Variants in PCDH15 observed in about 807,000 individuals in gnomAD.
PCDH15 encodes protocadherin-15.
Under a neutral mutation model 178.5 loss-of-function variants are expected in PCDH15, and 129 were observed. The ratio of observed to expected loss-of-function variants is 0.72; its 90% confidence interval spans 0.63 to 0.84. The LOEUF (loss-of-function observed/expected upper bound fraction) is 0.84, where lower values mean the gene tolerates loss of function less well. PCDH15 is among the 40% of genes least tolerant of loss of function. The pLI, the probability that PCDH15 is intolerant of heterozygous loss-of-function variation, is 0.00. For synonymous variants in PCDH15, 800 were observed against 732.0 expected (o/e 1.09, Z -1.50); for missense variants, 2,230 against 2,099.9 (o/e 1.06, Z -1.21).
At chr10:55,378,483 T>G (rs1419565181) in intron 2 of PCDH15, among the ~76,000 whole-genome samples, 2 of 152,146 alleles carry the variant, frequency 1.3e-5, no homozygotes, top group Non-Finnish European at 2.9e-5. Flanking sequence ...ACTACACATT[T>G]GAAGCATTAT....
chr10:55,118,283 G>C (rs1230875662), intron 2 of PCDH15, among the ~76,000 whole-genome samples: 1 of 152,144 alleles, frequency 6.6e-6, no homozygotes, highest in African/African-American at 2.4e-5. Context: ...GGTCCTCTAG[G>C]TAGACACTGT....
intron 11 of PCDH15, among the ~76,000 whole-genome samples, chr10:54,194,867 C>A (rs1001214807): frequency 5.3e-5 from 8 of 152,194 alleles, no homozygotes; most frequent in African/African-American, 1.7e-4. Flanking sequence ...AAAAGACAGG[C>A]ACTCAATGGG....
chr10:54,381,507 T>G lies in PCDH15; in HGVS notation c.158-2565A>C, dbSNP rs913123355. On this transcript the variant is annotated intron_variant, in intron 3 of 37. Coordinates refer to ENST00000644397, the MANE Select transcript of PCDH15 (RefSeq NM_001384140.1). ...AAACCTTTTGCTTAATGTGTTTCAT[T>G]TGATGTTTAAATGTATTCTCTTCTT... Among the ~76,000 whole-genome samples the G allele has an allele frequency of 2.0e-5, 3 of 152,154 alleles. No individual in the cohort carries two copies. The East Asian group carries it at 5.8e-4, about 29-fold the overall frequency.
intron 21 of PCDH15, among the ~76,000 whole-genome samples, chr10:53,994,027 A>C (rs2091690813): frequency 6.6e-6 from 1 of 152,238 alleles, no homozygotes; most frequent in Non-Finnish European, 1.5e-5. Context: ...TAAATCTGGC[A>C]ATTTTATTTA....
chr10:55,107,056 G>A (rs1022483730), intron 2 of PCDH15, among the ~76,000 whole-genome samples: 2 of 152,224 alleles, frequency 1.3e-5, no homozygotes, highest in Admixed American at 1.3e-4. Context: ...TGGATTTTAA[G>A]TCAGTTTGAT....
At chr10:55,018,727 T>C (rs574813870) in intron 2 of PCDH15, among the ~76,000 whole-genome samples, 1 of 152,258 alleles carries the variant, frequency 6.6e-6, no homozygotes, top group Non-Finnish European at 1.5e-5. Flanking sequence ...TCAAGTGCTT[T>C]ATAAAAATAA....
At chr10:54,341,190 T>A (rs996759754) in intron 6 of PCDH15, among the ~76,000 whole-genome samples, 2 of 152,104 alleles carry the variant, frequency 1.3e-5, no homozygotes, top group Admixed American at 6.5e-5. Flanking sequence ...CTAGTTGATA[T>A]GGTTTGGCTC....
At chr10:54,217,659 C>T (rs115337695) in intron 9 of PCDH15, among the ~76,000 whole-genome samples, 4,944 of 152,256 alleles carry the variant, frequency 0.032, 119 homozygotes, top group Middle Eastern at 0.072. Context: ...GCATACAACA[C>T]AGCTCTGAAT....
chr10:55,490,329 C>T (rs1840384213), intron 2 of PCDH15, among the ~76,000 whole-genome samples: 1 of 151,730 alleles, frequency 6.6e-6, no homozygotes, highest in Non-Finnish European at 1.5e-5. Flanking sequence ...CAGAGTTCCA[C>T]AAAGAGCTTC....
chr10:55,392,981 G>T (rs1588982329), intron 2 of PCDH15, among the ~76,000 whole-genome samples: 1 of 36,324 alleles, frequency 2.8e-5, no homozygotes, highest in East Asian at 2.8e-4. Flanking sequence ...TAAAGTGTAT[G>T]TGTGTGTGTG....
At chr10:54,104,964 C>T (rs1369677310) in intron 15 of PCDH15, among the ~76,000 whole-genome samples, 1 of 151,318 alleles carries the variant, frequency 6.6e-6, no homozygotes, top group Non-Finnish European at 1.5e-5. Context: ...TGTATAGAGT[C>T]ACTAAACTCT....
intron 2 of PCDH15, among the ~76,000 whole-genome samples, chr10:55,072,500 G>T (rs1265884863): frequency 6.6e-6 from 1 of 152,158 alleles, no homozygotes; most frequent in Non-Finnish European, 1.5e-5. Context: ...AAATCTAGAA[G>T]AAATGGATAA....
Position 54,132,933 on chromosome 10 carries a change from A to G in PCDH15, c.1859T>C (p.Met620Thr), listed in dbSNP as rs754028926. 3.1e-6 allele frequency: 5 copies of G among 1,614,106 alleles called. No individual in the cohort carries two copies. The highest frequency in any genetic ancestry group is 4.2e-6 in the Non-Finnish European group (5 of 1,180,000). Residue 620 changes from methionine (M) to threonine (T), a missense_variant, in exon 15 of 38, where the codon ATG becomes ACG. By Grantham distance (81) the Met-to-Thr change is moderately conservative. Coordinates refer to ENST00000644397, the MANE Select transcript of PCDH15 (RefSeq NM_001384140.1). Reference sequence around the variant, plus strand: ...GGCTTCACTAATTTCAAGGCTATACATCAGCTGTGGGAAGCGAGGAGGGCT... The same window carrying G: ...GGCTTCACTAATTTCAAGGCTATACGTCAGCTGTGGGAAGCGAGGAGGGCT... ...NQSPPRFPQL[M>T]YSLEISEAMR... is the part of the protein sequence containing the mutation.
At chr10:53,920,057 C>T (rs984044909) in intron 25 of PCDH15, among the ~76,000 whole-genome samples, 1 of 152,050 alleles carries the variant, frequency 6.6e-6, no homozygotes, top group African/African-American at 2.4e-5. Context: ...ATATCTCTTT[C>T]GCTCACCTCA....
intron 2 of PCDH15, among the ~76,000 whole-genome samples, chr10:55,147,748 G>C (rs1232300674): frequency 6.6e-6 from 1 of 150,824 alleles, no homozygotes; most frequent in Non-Finnish European, 1.5e-5. Context: ...TGCCATGCTG[G>C]TGTGCTGCAC....
intron 1 of PCDH15, among the ~76,000 whole-genome samples, chr10:54,795,566 C>A (rs1400336784): frequency 5.3e-5 from 8 of 151,846 alleles, no homozygotes; most frequent in Admixed American, 5.3e-4. Flanking sequence ...TGTATTCTTT[C>A]ATCAAATATT....
At chr10:54,917,118 A>T (rs1837356414) in intron 2 of PCDH15, among the ~76,000 whole-genome samples, 1 of 152,326 alleles carries the variant, frequency 6.6e-6, no homozygotes, top group African/African-American at 2.4e-5. Flanking sequence ...AGAGTAATAT[A>T]TTAGTTGGAC....
At chr10:54,090,198 C>CT in intron 15 of PCDH15, 135 bp from the exon 16 acceptor site, 1 of 712,436 alleles carries the variant, frequency 1.4e-6, no homozygotes, top group East Asian at 2.7e-5. Context: ...AAAGCATGGC[C>CT]TAATGGCAAG....
chr10:54,006,295 C>T (rs1249888718), intron 20 of PCDH15, among the ~76,000 whole-genome samples: 1 of 152,146 alleles, frequency 6.6e-6, no homozygotes, highest in African/African-American at 2.4e-5. Flanking sequence ...CAATAGGAAT[C>T]TGAAAATGCG....
Sources: allele counts gnomAD v4.1 joint callset (sites outside exome capture counted in the v4.1 genomes callset), GRCh38; gene constraint gnomAD v4.1.1; transcripts MANE v1.5; gene names NCBI Gene and HGNC (gene_info 2026-07-23, HGNC 2026-07-21).